Variants in DOP1B observed in about 807,000 individuals in gnomAD.
DOP1B encodes the protein protein DOP1B.
In DOP1B, 174 loss-of-function variants were observed where a neutral mutation model predicts 233.5. The ratio of observed to expected loss-of-function variants is 0.75; its 90% CI spans 0.66 to 0.85. The LOEUF is 0.85. Ranked by LOEUF, DOP1B falls within the 40% of genes least tolerant of loss-of-function variation. The pLI is 0.00. For synonymous variants in DOP1B, 1,190 were observed against 1,185.6 expected, an observed-to-expected ratio of 1.00 and a Z score of -0.08; for missense variants, 2,652 against 2,846.6, an observed-to-expected ratio of 0.93 and a Z score of 1.56.
rs1346787574 is a variant in DOP1B, at chr21:36,239,759, C to T, written c.2877-6C>T. Reference sequence around the variant, plus strand: ...AGTGAACTCACTGGTGTGTTTCCCACTGCAGGTCCTTGTTTGTCGTGCTGG... The same window carrying T: ...AGTGAACTCACTGGTGTGTTTCCCATTGCAGGTCCTTGTTTGTCGTGCTGG... On this transcript the variant is annotated splice_polypyrimidine_tract_variant and splice_region_variant and intron_variant, in intron 17 of 36. Coordinates refer to ENST00000691173, the MANE Select transcript of DOP1B (RefSeq NM_001320714.2). 6.5e-7 allele frequency: 1 copy of T among 1,529,522 alleles called. No individual in the cohort carries two copies. Among genetic ancestry groups the T allele is most frequent in the African/African-American group, 1.4e-5 (1 of 72,648 alleles). The allele number at this position is 1,529,522 out of a possible 1,614,324, so 94.7% of individuals were successfully genotyped here. A position where few individuals can be genotyped will look rare whatever the true frequency, so the allele number is the denominator to read the frequency against.
rs530514154 is a variant in DOP1B, at chr21:36,282,562, T to C, written c.6160+951T>C. ...CAGTCAAGGTACTCGGTGTTTACAG[T>C]ACTCCCTTAATCAGCACCTTCAGCT... On this transcript the variant is annotated intron_variant, in intron 32 of 36. Coordinates refer to ENST00000691173, the MANE Select transcript of DOP1B (RefSeq NM_001320714.2). Among the ~76,000 whole-genome samples, 3 of 152,334 alleles carry C rather than the reference T, an allele frequency of 2.0e-5. No individual in the cohort carries two copies. The South Asian group carries it at 6.2e-4, about 32-fold the overall frequency.
intron 2 of DOP1B, chr21:36,169,092 C>T: frequency 2.3e-6 from 2 of 853,856 alleles, no homozygotes; most frequent in Non-Finnish European, 4.0e-6. Flanking sequence ...AACTTAAGGT[C>T]AGTCTTCTCC....
chr21:36,180,107 A>G (rs1358577266), intron 2 of DOP1B, among the ~76,000 whole-genome samples: 1 of 150,338 alleles, frequency 6.7e-6, no homozygotes, highest in Non-Finnish European at 1.5e-5. Flanking sequence ...CACTATTCCC[A>G]TGTTGGGAAC....
At chr21:36,261,730 A>C in intron 24 of DOP1B, 1 of 842,614 alleles carries the variant, frequency 1.2e-6, no homozygotes, top group Non-Finnish European at 1.4e-6. Context: ...CAACGTGGTA[A>C]AACCCTATGT....
intron 7 of DOP1B, among the ~76,000 whole-genome samples, chr21:36,213,809 G>T (rs2066527936): frequency 6.6e-6 from 1 of 150,908 alleles, no homozygotes; most frequent in Admixed American, 6.6e-5. Flanking sequence ...CAAAGTGCTG[G>T]GATTACAGGC....
intron 4 of DOP1B, among the ~76,000 whole-genome samples, chr21:36,205,353 G>C (rs530246735): frequency 4.6e-5 from 7 of 151,880 alleles, no homozygotes; most frequent in African/African-American, 1.7e-4. Flanking sequence ...TTTGGAAGTT[G>C]GGTTTTTTTT....
chr21:36,242,981 C>CT (rs35476479), intron 18 of DOP1B, among the ~76,000 whole-genome samples: 202 of 127,144 alleles, frequency 1.6e-3, no homozygotes, highest in Middle Eastern at 4.1e-3. Context: ...TTCTTCTTTT[C>CT]TTTTTTTTTT....
chr21:36,215,820 C>G, intron 9 of DOP1B, among the ~76,000 whole-genome samples: 1 of 140,768 alleles, frequency 7.1e-6, no homozygotes, highest in South Asian at 2.3e-4. Context: ...CAGGACCAGC[C>G]TGGCCAAGAT....
At chr21:36,159,995 A>G (rs971170348) in intron 1 of DOP1B, among the ~76,000 whole-genome samples, 3 of 152,202 alleles carry the variant, frequency 2.0e-5, no homozygotes, top group South Asian at 2.1e-4. Context: ...GCTATGAACT[A>G]TGAGAGTAGG....
At chr21:36,211,179 A>G (rs2066492847) in intron 5 of DOP1B, among the ~76,000 whole-genome samples, 1 of 152,200 alleles carries the variant, frequency 6.6e-6, no homozygotes, top group African/African-American at 2.4e-5. Context: ...ACCTATCTGT[A>G]TTCAGAAAAG....
At chr21:36,188,675 G>A (rs1040551404) in intron 2 of DOP1B, among the ~76,000 whole-genome samples, 3 of 152,126 alleles carry the variant, frequency 2.0e-5, no homozygotes, top group Non-Finnish European at 1.5e-5. Flanking sequence ...GTGTTTCACC[G>A]TGAAAAATGC....
chr21:36,216,480 G>A (rs1275767954), intron 9 of DOP1B, among the ~76,000 whole-genome samples: 2 of 151,958 alleles, frequency 1.3e-5, no homozygotes, highest in African/African-American at 4.8e-5. Flanking sequence ...GCATGACAGT[G>A]CACACCTATA....
Position 36,247,067 on chromosome 21 carries a change from A to AC in DOP1B, c.4697+391dup, listed in dbSNP as rs550690156. On this transcript the variant is annotated intron_variant, in intron 19 of 36. Transcript: ENST00000691173. ...GCTAATTTTTTGTATTTTAGTAGAC[A>AC]CGGGGTTTCACCGTGTTGCCCATGC... Among the ~76,000 whole-genome samples, 21 of 152,158 alleles carry AC rather than the reference A, an allele frequency of 1.4e-4. 1 individual carries two copies. The highest frequency in any genetic ancestry group is 5.1e-4 in the African/African-American group (21 of 41,512).
At chr21:36,181,163 T>C (rs1220059745) in intron 2 of DOP1B, among the ~76,000 whole-genome samples, 1 of 152,214 alleles carries the variant, frequency 6.6e-6, no homozygotes, top group Non-Finnish European at 1.5e-5. Context: ...CCAAAATCAA[T>C]GTCCTCGATG....
At chr21:36,177,727 T>C (rs1258560923) in intron 2 of DOP1B, among the ~76,000 whole-genome samples, 1 of 152,202 alleles carries the variant, frequency 6.6e-6, no homozygotes, top group East Asian at 1.9e-4. Flanking sequence ...ATGCTCGGCC[T>C]CCTTGCCATG....
At chr21:36,281,300 A>G (rs1032731683) in intron 31 of DOP1B, among the ~76,000 whole-genome samples, 183 bp from the exon 32 acceptor site, 1 of 152,210 alleles carries the variant, frequency 6.6e-6, no homozygotes, top group African/African-American at 2.4e-5. Flanking sequence ...TGTCTCAAAT[A>G]AGAAATAAAA....
At position 36,270,006 on chromosome 21, in the gene DOP1B, T is replaced by C; in HGVS notation, c.5488-7T>C. 1 of 1,613,980 alleles carries C rather than the reference T, an allele frequency of 6.2e-7. No homozygotes were observed. On this transcript the variant is annotated splice_polypyrimidine_tract_variant and splice_region_variant and intron_variant, in intron 26 of 36. Coordinates refer to ENST00000691173, the MANE Select transcript of DOP1B (RefSeq NM_001320714.2). The stretch of plus-strand genomic sequence containing the variant: ...CTTCCTTTCCCCCTCCTCCTGATAA[T>C]TCTCAGGAAATCACTCAGAAAATCC...
At chr21:36,158,231 C>G (rs1279134955) in intron 1 of DOP1B, among the ~76,000 whole-genome samples, 1 of 152,208 alleles carries the variant, frequency 6.6e-6, no homozygotes, top group Non-Finnish European at 1.5e-5. Context: ...TATTTATAGC[C>G]TGTATAACTG....
intron 2 of DOP1B, among the ~76,000 whole-genome samples, chr21:36,193,633 T>C (rs1335036139): frequency 2.0e-5 from 3 of 152,180 alleles, no homozygotes; most frequent in Non-Finnish European, 4.4e-5. Flanking sequence ...ACCCCATTAG[T>C]ATCCACCAGA....
Sources: gnomAD v4.1 joint callset for allele counts (sites outside exome capture counted in the v4.1 genomes callset) on GRCh38, gnomAD v4.1.1 for gene constraint, MANE v1.5 for transcripts, NCBI Gene and HGNC (gene_info 2026-07-23, HGNC 2026-07-21) for gene names.